The following UGT1A3 variants were observed in gnomAD, a reference collection of about 807,000 sequenced individuals.
UGT1A3 encodes UDP glucuronosyltransferase family 1 member A3.
UGT1A3 carries 31 observed loss-of-function variants against 41.0 expected under a neutral mutation model. That is an observed-to-expected ratio of 0.76 (90% CI 0.57 to 1.02). The LOEUF (loss-of-function observed/expected upper bound fraction) is 1.02. Among genes scored for constraint, UGT1A3 ranks in the 50% least tolerant of loss-of-function variants. UGT1A3 has a pLI of 0.00. For synonymous variants in UGT1A3, 262 were observed against 257.6 expected, an observed-to-expected ratio of 1.02 and a Z score of -0.17; for missense variants, 737 against 671.0, an observed-to-expected ratio of 1.10 and a Z score of -1.09.
In UGT1A3 at chr2:233,764,214, G is replaced by A. The variant is rs17864706; in HGVS notation, c.868-2820G>A. On this transcript the variant is annotated intron_variant, in intron 1 of 4. Transcript: ENST00000482026. ...GGGGCATCTCATCTTTTCTTTGAAG[G>A]GAATCAATGGTGGGGGATTGGAGTG... 2.6e-3 allele frequency among the ~76,000 whole-genome samples: 394 copies of A among 152,268 alleles called. 1 individual carries two copies. Among genetic ancestry groups the A allele is most frequent in the Non-Finnish European group, 3.9e-3 (266 of 68,024 alleles).
intron 1 of UGT1A3, among the ~76,000 whole-genome samples, chr2:233,748,751 T>C (rs1228762220): frequency 1.3e-5 from 2 of 151,458 alleles, no homozygotes; most frequent in Admixed American, 6.6e-5. Flanking sequence ...TCGGAAGGCA[T>C]AGTTTTGGTT....
intron 1 of UGT1A3, among the ~76,000 whole-genome samples, chr2:233,757,422 GAAGAA>G (rs1401063463): frequency 6.6e-6 from 1 of 151,344 alleles, no homozygotes; most frequent in African/African-American, 2.4e-5. Flanking sequence ...AACGAAAAGA[GAAGAA>G]AAGTCACTTC....
chr2:233,751,263 C>A (rs1694683349), intron 1 of UGT1A3, among the ~76,000 whole-genome samples: 1 of 151,922 alleles, frequency 6.6e-6, no homozygotes, highest in African/African-American at 2.4e-5. Context: ...CCTGTAGCCC[C>A]CTTTTTTTGG....
Position 233,769,821 on chromosome 2 carries a change from C to A in UGT1A3, c.1307+1382C>A. The A allele has an allele frequency of 5.1e-6, 4 of 785,016 alleles. No individual in the cohort carries two copies. The highest frequency in any genetic ancestry group is 7.3e-6 in the Non-Finnish European group (4 of 547,448). 48.6% of individuals were successfully genotyped at this position (785,016 alleles called of 1,614,324 possible). A position where few individuals can be genotyped will look rare whatever the true frequency, so the allele number is the denominator to read the frequency against. On this transcript the variant is annotated intron_variant, in intron 4 of 4. Coordinates refer to ENST00000482026, the MANE Select transcript of UGT1A3 (RefSeq NM_019093.4). The surrounding 1 kb of genome is among the most constrained non-coding windows in gnomAD (Gnocchi z 4.4). ...TATGAGCCGTGATCATGCCACTGCA[C>A]TCCAGCAACCTGGGCAACAGAGTGA...
rs1699915243 is a variant in UGT1A3, at chr2:233,769,658, C to T, written c.1307+1219C>T. On this transcript the variant is annotated intron_variant, in intron 4 of 4. Coordinates refer to ENST00000482026, the MANE Select transcript of UGT1A3 (RefSeq NM_019093.4). The surrounding 1 kb of genome is among the most constrained non-coding windows in gnomAD (Gnocchi z 4.4). ...GGAGGACTGATGACTGACTTCCCAC[C>T]TTTGAGGTGCTAATGTGTGTGTGGT... 2 of 1,600,404 alleles carry T rather than the reference C, an allele frequency of 1.2e-6. No individual in the cohort carries two copies. The highest frequency in any genetic ancestry group is 2.7e-5 in the African/African-American group (2 of 74,670).
chr2:233,767,851 C>G lies in UGT1A3; in HGVS notation c.1002C>G (p.Val334=), dbSNP rs752058783. 1 of 1,614,170 alleles carries G rather than the reference C, an allele frequency of 6.2e-7. No individual in the cohort carries two copies. Among genetic ancestry groups the G allele is most frequent in the Non-Finnish European group, 8.5e-7 (1 of 1,180,036 alleles). ...ADALGKIPQT[V]LWRYTGTRPS... Reference sequence around the variant, plus strand: ...TCTGCTCTTTTTGCCCCTCCCAGGTCCTGTGGCGGTACACTGGAACCCGAC... The same window carrying G: ...TCTGCTCTTTTTGCCCCTCCCAGGTGCTGTGGCGGTACACTGGAACCCGAC... The change falls in exon 3 of 5, where the codon GTC becomes GTG. Residue 334 remains valine (V), a splice_region_variant and synonymous_variant. Transcript: ENST00000482026.
At chr2:233,735,712 C>CA (rs2078686822) in intron 1 of UGT1A3, among the ~76,000 whole-genome samples, 1 of 152,140 alleles carries the variant, frequency 6.6e-6, no homozygotes, top group Non-Finnish European at 1.5e-5. Flanking sequence ...CTGGTGGTGA[C>CA]AAAATCTCTC....
At chr2:233,746,562 C>A (rs1365442579) in intron 1 of UGT1A3, among the ~76,000 whole-genome samples, 1 of 151,750 alleles carries the variant, frequency 6.6e-6, no homozygotes. Context: ...GCCCCTAGAG[C>A]ACCACACCCT....
At chr2:233,760,890 A>G (rs755957493) in intron 1 of UGT1A3, 1 of 1,614,048 alleles carries the variant, frequency 6.2e-7, no homozygotes, top group South Asian at 1.1e-5. Context: ...CCTCTCATTC[A>G]GATCACATGA....
At chr2:233,733,460 C>T (rs1438150751) in intron 1 of UGT1A3, among the ~76,000 whole-genome samples, 1 of 152,094 alleles carries the variant, frequency 6.6e-6, no homozygotes, top group Non-Finnish European at 1.5e-5. Context: ...ATAAATAGCT[C>T]TTATTATTTT....
rs1427279208 is a variant in UGT1A3 at position 233,769,059 on chromosome 2, C to T, written c.1307+620C>T. Among the ~76,000 whole-genome samples, 3 of 152,006 alleles carry T rather than the reference C, an allele frequency of 2.0e-5. No individual in the cohort carries two copies. Among genetic ancestry groups the T allele is most frequent in the African/African-American group, 4.8e-5 (2 of 41,348 alleles). ...ACATCTGATCCATAAGTTTCCTGCA[C>T]AGAAAGAAATACTCCATTATAAGAA... is the stretch of plus-strand genomic sequence containing the variant. On this transcript the variant is annotated intron_variant, in intron 4 of 4. Transcript: ENST00000482026. The surrounding 1 kb of genome is among the most constrained non-coding windows in gnomAD (Gnocchi z 4.4).
intron 1 of UGT1A3, among the ~76,000 whole-genome samples, chr2:233,765,129 C>T (rs936294408): frequency 1.3e-5 from 2 of 152,146 alleles, no homozygotes; most frequent in African/African-American, 2.4e-5. Flanking sequence ...CAGGTTTTAG[C>T]ACTGAACATC....
chr2:233,746,436 G>A (rs1200457799), intron 1 of UGT1A3, among the ~76,000 whole-genome samples: 2 of 151,690 alleles, frequency 1.3e-5, no homozygotes, highest in African/African-American at 4.9e-5. Flanking sequence ...TATGTCTTCA[G>A]CTTAAAAAGA....
intron 1 of UGT1A3, chr2:233,754,616 C>G (rs899223660): frequency 6.8e-6 from 3 of 438,446 alleles, no homozygotes; most frequent in African/African-American, 6.2e-5. Flanking sequence ...CTCCATCTTC[C>G]TCCACTTCCA....
chr2:233,769,890 A>C lies in UGT1A3; in HGVS notation c.1307+1451A>C. On this transcript the variant is annotated intron_variant, in intron 4 of 4. Transcript: ENST00000482026. This position sits in a 1 kb window ranked among gnomAD's most constrained non-coding sequence, Gnocchi z 4.4. Reference sequence around the variant, plus strand: ...AAAAAAAAAATGAAAAGTCCACATAACCTGAGCATCATGTGCCCAGAGCGT... The same window carrying C: ...AAAAAAAAAATGAAAAGTCCACATACCCTGAGCATCATGTGCCCAGAGCGT... 1 of 371,658 alleles carries C rather than the reference A, an allele frequency of 2.7e-6. No homozygotes were observed. 23.0% of individuals were successfully genotyped at this position (371,658 alleles called of 1,614,324 possible).
intron 1 of UGT1A3, chr2:233,761,188 C>A: frequency 6.2e-7 from 1 of 1,614,130 alleles, no homozygotes; most frequent in Non-Finnish European, 8.5e-7. Context: ...TGCGTATATT[C>A]TTTCAGATGT....
intron 1 of UGT1A3, chr2:233,754,294 G>C (rs556479810): frequency 4.3e-4 from 102 of 236,002 alleles, no homozygotes; most frequent in African/African-American, 2.0e-3. Flanking sequence ...TTCTGTCCTA[G>C]CACTAGGAAA....
intron 1 of UGT1A3, chr2:233,747,344 G>A (rs1693636128): frequency 6.2e-7 from 1 of 1,603,174 alleles, no homozygotes; most frequent in African/African-American, 1.3e-5. Context: ...TGGCTCGCAT[G>A]CGGGAGGCCG....
At chr2:233,744,380 A>G (rs1168834333) in intron 1 of UGT1A3, among the ~76,000 whole-genome samples, 1 of 151,890 alleles carries the variant, frequency 6.6e-6, no homozygotes, top group Non-Finnish European at 1.5e-5. Context: ...GCAGTTCTCC[A>G]ACGTTCCAGC....
Sources: allele counts gnomAD v4.1 joint callset (sites outside exome capture counted in the v4.1 genomes callset), GRCh38; gene constraint gnomAD v4.1.1; non-coding constraint Gnocchi (gnomAD v3.1); transcripts MANE v1.5; gene names NCBI Gene and HGNC (gene_info 2026-07-23, HGNC 2026-07-21).